The following ADAMTS2 variants were observed in gnomAD, a reference collection of about 807,000 sequenced individuals.
ADAMTS2 encodes the protein A disintegrin and metalloproteinase with thrombospondin motifs 2.
Under a neutral mutation model 123.0 loss-of-function variants are expected in ADAMTS2, and 50 were observed. The observed-to-expected ratio is 0.41, with a 90% CI of 0.32 to 0.51. The LOEUF (loss-of-function observed/expected upper bound fraction) is 0.51, where lower values mean the gene tolerates loss of function less well. ADAMTS2 is among the 20% of genes least tolerant of loss of function. The pLI, the probability that ADAMTS2 is intolerant of heterozygous loss-of-function variation, is 0.35. For synonymous variants in ADAMTS2, 678 were observed against 695.4 expected, an observed-to-expected ratio of 0.98 and a Z score of 0.39; for missense variants, 1,494 against 1,705.2, an observed-to-expected ratio of 0.88 and a Z score of 2.18.
rs1174699269 is a variant in ADAMTS2 at position 179,181,957 on chromosome 5, T to G, written c.892-802A>C. 1.3e-5 allele frequency among the ~76,000 whole-genome samples: 2 copies of G among 152,176 alleles called. No individual in the cohort carries two copies. Among genetic ancestry groups the G allele is most frequent in the East Asian group, 3.9e-4 (2 of 5,148 alleles). ...GGGCTCGAGGCTGTCAGGGGCTTCC[T>G]TCGCACTGAGCCCCCACCCTCCAGC... On this transcript the variant is annotated intron_variant, in intron 4 of 21. Coordinates refer to ENST00000251582, the MANE Select transcript of ADAMTS2 (RefSeq NM_014244.5). This position sits in a 1 kb window ranked among gnomAD's most constrained non-coding sequence, Gnocchi z 4.1.
Position 179,113,568 on chromosome 5 carries a change from C to T in ADAMTS2, c.*299G>A. On this transcript the variant is annotated 3_prime_UTR_variant, in exon 22 of 22. Transcript: ENST00000251582. ...AACTTGGGGCCTATTTTTGTTCTCTCAGAGTGATCCCTCTTGCCCTGCCCT... is the reference window on the plus strand; with the variant it reads ...AACTTGGGGCCTATTTTTGTTCTCTTAGAGTGATCCCTCTTGCCCTGCCCT... 1 of 442,014 alleles carries T rather than the reference C, an allele frequency of 2.3e-6. No homozygotes were observed. The allele number at this position is 442,014 out of a possible 1,614,324, so 27.4% of individuals were successfully genotyped here.
intron 4 of ADAMTS2, among the ~76,000 whole-genome samples, chr5:179,205,317 T>G (rs1206014280): frequency 6.6e-6 from 1 of 152,216 alleles, no homozygotes; most frequent in African/African-American, 2.4e-5. Context: ...ACAGTGCCAC[T>G]GTCATGATAA....
At chr5:179,125,850 C>T in intron 18 of ADAMTS2, 148 bp downstream of exon 18, 1 of 1,238,830 alleles carries the variant, frequency 8.1e-7, no homozygotes. Context: ...TGCCCTGCAG[C>T]ATCTTAGATT....
chr5:179,223,842 C>T (rs1561814595), intron 3 of ADAMTS2, among the ~76,000 whole-genome samples: 1 of 152,196 alleles, frequency 6.6e-6, no homozygotes, highest in African/African-American at 2.4e-5. Flanking sequence ...CACACATGCA[C>T]ACACACAAAC....
Position 179,312,230 on chromosome 5 carries a change from T to C in ADAMTS2, c.534+31537A>G, listed in dbSNP as rs955853114. Among the ~76,000 whole-genome samples the C allele has an allele frequency of 1.3e-5, 2 of 152,168 alleles. No homozygotes were observed. The highest frequency in any genetic ancestry group is 2.9e-5 in the Non-Finnish European group (2 of 68,032). ...TCCAAGGATCCTGAGATGGAGTGAC[T>C]GCTGGATTTTCCGGGTGGGCCCAGG... On this transcript the variant is annotated intron_variant, in intron 2 of 21. Transcript: ENST00000251582. The surrounding 1 kb of genome is among the most constrained non-coding windows in gnomAD (Gnocchi z 4.2).
At chr5:179,207,490 G>GCCCC in intron 4 of ADAMTS2, 23 bp downstream of exon 4, 1 of 546,852 alleles carries the variant, frequency 1.8e-6, no homozygotes, top group Admixed American at 3.1e-5. Context: ...GCCCCACCCT[G>GCCCC]CCCCCTCAGC....
At chr5:179,198,152 C>T (rs542041701) in intron 4 of ADAMTS2, among the ~76,000 whole-genome samples, 41 of 152,078 alleles carry the variant, frequency 2.7e-4, no homozygotes, top group African/African-American at 8.9e-4. Context: ...GGGCGGGGGG[C>T]GGGCCTGGGC....
At chr5:179,119,438 G>T (rs2113172667) in intron 21 of ADAMTS2, among the ~76,000 whole-genome samples, 1 of 152,360 alleles carries the variant, frequency 6.6e-6, no homozygotes, top group South Asian at 2.1e-4. Context: ...GTACAGAAAA[G>T]GGAGGAGTGA....
chr5:179,149,679 C>T (rs3756567), intron 10 of ADAMTS2, among the ~76,000 whole-genome samples: 35,869 of 152,098 alleles, frequency 0.24, 4,383 homozygotes, highest in Non-Finnish European at 0.25. Flanking sequence ...AAAATCACAG[C>T]GTGAGAGAAC....
chr5:179,323,245 T>A (rs962602618), intron 2 of ADAMTS2, among the ~76,000 whole-genome samples: 2 of 152,200 alleles, frequency 1.3e-5, no homozygotes, highest in South Asian at 4.1e-4. Context: ...CCTTCCCTTC[T>A]AAATAGCTGC....
At chr5:179,163,891 T>C (rs1387555770) in intron 5 of ADAMTS2, among the ~76,000 whole-genome samples, 3 of 151,772 alleles carry the variant, frequency 2.0e-5, no homozygotes, top group Non-Finnish European at 4.4e-5. Flanking sequence ...TTTGGGGTTC[T>C]GAGGAGACTC....
intron 5 of ADAMTS2, among the ~76,000 whole-genome samples, chr5:179,172,151 T>C (rs1763833241): frequency 6.6e-6 from 1 of 152,212 alleles, no homozygotes; most frequent in African/African-American, 2.4e-5. Flanking sequence ...GTCCTCTCTG[T>C]TCTCTTTGTA....
rs186388147 is a variant in ADAMTS2 at position 179,202,593 on chromosome 5, A to G, written c.891+4920T>C. Among the ~76,000 whole-genome samples, 12 of 152,270 alleles carry G rather than the reference A, an allele frequency of 7.9e-5. No homozygotes were observed. The East Asian group carries it at 2.1e-3, about 27-fold the overall frequency. On this transcript the variant is annotated intron_variant, in intron 4 of 21. Coordinates refer to ENST00000251582, the MANE Select transcript of ADAMTS2 (RefSeq NM_014244.5). This position sits in a 1 kb window ranked among gnomAD's most constrained non-coding sequence, Gnocchi z 4.0. ...CTCACAGCTGCACCCCTTGCCTGAC[A>G]TATAATAGACGCCCCATAAACACCG...
chr5:179,201,783 CAG>C (rs1764574105), intron 4 of ADAMTS2, among the ~76,000 whole-genome samples: 1 of 152,064 alleles, frequency 6.6e-6, no homozygotes, highest in Non-Finnish European at 1.5e-5. Context: ...GCCTGGGCGA[CAG>C]AGTGAGACTC....
intron 10 of ADAMTS2, among the ~76,000 whole-genome samples, chr5:179,145,509 A>C (rs1763236458): frequency 6.6e-6 from 1 of 152,360 alleles, no homozygotes; most frequent in Non-Finnish European, 1.5e-5. Flanking sequence ...CACACAGTGG[A>C]TTAGTATTCA....
intron 3 of ADAMTS2, among the ~76,000 whole-genome samples, chr5:179,261,944 C>T (rs1162603042): frequency 2.6e-5 from 4 of 152,228 alleles, no homozygotes; most frequent in South Asian, 2.1e-4. Context: ...CTCTGCCTCC[C>T]GGAGCAAGAG....
Position 179,225,589 on chromosome 5 carries a change from C to T in ADAMTS2, c.689-17874G>A, listed in dbSNP as rs898873851. ...GCGCATGAGGGGAGGAACACACAGG[C>T]GGCTGGACGTCGAGAGGAACGCACC... On this transcript the variant is annotated intron_variant, in intron 3 of 21. Coordinates refer to ENST00000251582, the MANE Select transcript of ADAMTS2 (RefSeq NM_014244.5). The surrounding 1 kb of genome is among the most constrained non-coding windows in gnomAD (Gnocchi z 4.5). Among the ~76,000 whole-genome samples the T allele has an allele frequency of 2.0e-5, 3 of 152,108 alleles. No homozygotes were observed. Among genetic ancestry groups the T allele is most frequent in the East Asian group, 1.9e-4 (1 of 5,182 alleles).
At chr5:179,297,000 G>T (rs1005706927) in intron 2 of ADAMTS2, among the ~76,000 whole-genome samples, 2 of 152,160 alleles carry the variant, frequency 1.3e-5, no homozygotes, top group African/African-American at 2.4e-5. Flanking sequence ...CATCAAAATA[G>T]AACTCAGAGC....
chr5:179,299,987 T>G (rs868116281), intron 2 of ADAMTS2, among the ~76,000 whole-genome samples: 1 of 148,808 alleles, frequency 6.7e-6, no homozygotes, highest in Non-Finnish European at 1.5e-5. Flanking sequence ...CCAGCTACTC[T>G]GGAGGCTGAG....
Sources: allele counts gnomAD v4.1 joint callset (sites outside exome capture counted in the v4.1 genomes callset), GRCh38; gene constraint gnomAD v4.1.1; non-coding constraint Gnocchi (gnomAD v3.1); transcripts MANE v1.5; gene names NCBI Gene and HGNC (gene_info 2026-07-23, HGNC 2026-07-21).